Variants in RBBP4 observed in about 807,000 individuals in gnomAD.
The protein encoded by RBBP4 is RB binding protein 4, chromatin remodeling factor.
In RBBP4, 3 loss-of-function variants were observed where a neutral mutation model predicts 57.2. The observed-to-expected ratio is 0.05, with a 90% confidence interval of 0.02 to 0.14. RBBP4 has a LOEUF of 0.14. RBBP4 is among the 10% of genes least tolerant of loss of function. RBBP4 has a pLI of 1.00. For synonymous variants in RBBP4, 151 were observed against 171.5 expected (o/e 0.88, Z 0.93); for missense variants, 107 against 520.6 (o/e 0.21, Z 7.73).
At position 32,669,481 on chromosome 1, in the gene RBBP4, C is replaced by T. The variant is rs1441130267; in HGVS notation, c.889-5C>T. The T allele has an allele frequency of 1.3e-6, 2 of 1,599,088 alleles. No homozygotes were observed. The highest frequency in any genetic ancestry group is 3.6e-5 in the Admixed American group (2 of 55,482). On this transcript the variant is annotated splice_region_variant and splice_polypyrimidine_tract_variant and intron_variant, in intron 7 of 11. Coordinates refer to ENST00000373493, the MANE Select transcript of RBBP4 (RefSeq NM_005610.3). This position sits in a 1 kb window ranked among gnomAD's most constrained non-coding sequence, Gnocchi z 4.9. Reference sequence around the variant, plus strand: ...GATTACTCTTGCTTTTCTTTTTGTACATAGACTGTTGCCTTGTGGGATCTG... The same window carrying T: ...GATTACTCTTGCTTTTCTTTTTGTATATAGACTGTTGCCTTGTGGGATCTG...
chr1:32,673,835 A>C (rs1648979573), intron 11 of RBBP4, among the ~76,000 whole-genome samples: 2 of 152,144 alleles, frequency 1.3e-5, no homozygotes, highest in Non-Finnish European at 2.9e-5. Flanking sequence ...ACGTTGGCTC[A>C]CGCCTGTAAT....
At chr1:32,676,684 A>C (rs144921668) in intron 11 of RBBP4, among the ~76,000 whole-genome samples, 24 of 151,856 alleles carry the variant, frequency 1.6e-4, no homozygotes, top group Admixed American at 3.9e-4. Flanking sequence ...TGGTTTCTTT[A>C]GACCTTTCTG....
In RBBP4 at chr1:32,680,463, A is replaced by G. The variant is rs1649365452; in HGVS notation, c.*758A>G. The G allele has an allele frequency of 6.5e-7, 1 of 1,534,568 alleles. No individual in the cohort carries two copies. On this transcript the variant is annotated 3_prime_UTR_variant, in exon 12 of 12. Transcript: ENST00000373493. ...ACTGTCAAGTTGAGAAGAGTGAATC[A>G]ATAACTTGTATTTGTTTTAAAAATT... is the stretch of plus-strand genomic sequence containing the variant.
At chr1:32,651,774 T>G in intron 1 of RBBP4, 140 bp from the exon 2 acceptor site, 1 of 1,015,712 alleles carries the variant, frequency 9.8e-7, no homozygotes, top group South Asian at 1.6e-5. Context: ...AAGTGGAGAG[T>G]GTGGATGCCT....
chr1:32,674,899 T>G (rs1052514317), intron 11 of RBBP4, among the ~76,000 whole-genome samples: 2 of 151,448 alleles, frequency 1.3e-5, no homozygotes, highest in South Asian at 2.1e-4. Context: ...GGCTAGTTTT[T>G]TTGTTGTTGT....
chr1:32,658,059 G>C (rs1382670535), intron 3 of RBBP4, among the ~76,000 whole-genome samples: 4 of 151,972 alleles, frequency 2.6e-5, no homozygotes, highest in African/African-American at 7.3e-5. Context: ...CACCAAGTTG[G>C]CCAGGCTGGT....
chr1:32,665,880 T>G (rs538415214), intron 3 of RBBP4, among the ~76,000 whole-genome samples: 1 of 152,322 alleles, frequency 6.6e-6, no homozygotes, highest in East Asian at 1.9e-4. Context: ...TTGGAACTTT[T>G]GCAACCGTAC....
rs754298179 is a variant in RBBP4 at position 32,652,015 on chromosome 1, C to T, written c.118C>T (p.Leu40=). The change falls in exon 2 of 12, where the codon CTG becomes TTG. Residue 40 remains leucine (L), a synonymous_variant. Coordinates refer to ENST00000373493, the MANE Select transcript of RBBP4 (RefSeq NM_005610.3). ...TTATGATTTGGTGATGACCCATGCT[C>T]TGGAGTGGCCCAGCCTAACTGCCCA... is the stretch of plus-strand genomic sequence containing the variant. ...FLYDLVMTHA[L]EWPSLTAQWL... is the part of the protein sequence containing the mutation. 6.2e-7 allele frequency: 1 copy of T among 1,613,974 alleles called. No homozygotes were observed. Among genetic ancestry groups the T allele is most frequent in the Non-Finnish European group, 8.5e-7 (1 of 1,179,856 alleles).
Position 32,680,160 on chromosome 1 carries a change from A to C in RBBP4, c.*455A>C. On this transcript the variant is annotated 3_prime_UTR_variant, in exon 12 of 12. Transcript: ENST00000373493. ...CAAGTCATATAGATTCCTACTCGAA[A>C]ATCTTGACACCTGACTTTCCAGGAT... is the stretch of plus-strand genomic sequence containing the variant. 5.6e-6 allele frequency: 6 copies of C among 1,080,454 alleles called. No individual in the cohort carries two copies. Among genetic ancestry groups the C allele is most frequent in the Non-Finnish European group, 5.6e-6 (5 of 894,502 alleles). The allele number at this position is 1,080,454 out of a possible 1,614,324, so 66.9% of individuals were successfully genotyped here.
intron 11 of RBBP4, among the ~76,000 whole-genome samples, chr1:32,677,819 CA>C (rs1375127969): frequency 6.6e-6 from 1 of 152,130 alleles, no homozygotes; most frequent in Non-Finnish European, 1.5e-5. Context: ...GGGGTCAGAT[CA>C]CAAGCTCTTT....
chr1:32,657,938 C>T (rs972603446), intron 3 of RBBP4, among the ~76,000 whole-genome samples: 12 of 152,218 alleles, frequency 7.9e-5, no homozygotes, highest in South Asian at 2.1e-4. Context: ...CTGCAACCTC[C>T]GCCTCCCGGG....
intron 3 of RBBP4, chr1:32,657,792 G>A: frequency 2.3e-6 from 1 of 428,410 alleles, no homozygotes; most frequent in East Asian, 3.9e-5. Context: ...TTTCTCAGCT[G>A]GTGCTGGTGG....
At chr1:32,673,816 C>G (rs1339473742) in intron 11 of RBBP4, among the ~76,000 whole-genome samples, 2 of 152,078 alleles carry the variant, frequency 1.3e-5, no homozygotes, top group Non-Finnish European at 2.9e-5. Flanking sequence ...TAGTTATATT[C>G]GGCCGAGCAC....
At position 32,684,611 on chromosome 1, in the gene RBBP4, C is replaced by A. The variant is rs1455335680; in HGVS notation, c.*4906C>A. On this transcript the variant is annotated 3_prime_UTR_variant, in exon 12 of 12. Coordinates refer to ENST00000373493, the MANE Select transcript of RBBP4 (RefSeq NM_005610.3). The stretch of plus-strand genomic sequence containing the variant: ...AAAAAGGCATCTTGTCTGTTAACCA[C>A]AGCTTGCTTTAATAGAATCCTGGGA... 3.7e-6 allele frequency: 2 copies of A among 544,346 alleles called. No individual in the cohort carries two copies. The highest frequency in any genetic ancestry group is 3.8e-5 in the African/African-American group (2 of 52,438). 33.7% of individuals were successfully genotyped at this position (544,346 alleles called of 1,614,324 possible).
In RBBP4 at chr1:32,669,180, TGTTTA is replaced by T; in HGVS notation, c.762-48_762-44del. On this transcript the variant is annotated intron_variant, in intron 6 of 11. Coordinates refer to ENST00000373493, the MANE Select transcript of RBBP4 (RefSeq NM_005610.3). The surrounding 1 kb of genome is among the most constrained non-coding windows in gnomAD (Gnocchi z 4.9). ...TTCTAAATATCTTGTCTAAGTTTTA[TGTTTA>T]GTCACCATTTCAAGGTTTTTTTCCT... 1 of 1,611,324 alleles carries T rather than the reference TGTTTA, an allele frequency of 6.2e-7. No individual in the cohort carries two copies. The highest frequency in any genetic ancestry group is 8.5e-7 in the Non-Finnish European group (1 of 1,179,158).
intron 3 of RBBP4, among the ~76,000 whole-genome samples, chr1:32,661,993 C>A (rs391213): frequency 1.0e-4 from 15 of 143,992 alleles, no homozygotes; most frequent in African/African-American, 3.9e-4. Flanking sequence ...TCAAGCGATT[C>A]TCCTGCCTCA....
At chr1:32,661,748 A>G (rs1442464273) in intron 3 of RBBP4, among the ~76,000 whole-genome samples, 2 of 150,278 alleles carry the variant, frequency 1.3e-5, no homozygotes, top group African/African-American at 4.9e-5. Context: ...GACTGGTGTG[A>G]GAGGCATCTA....
At chr1:32,676,843 T>A (rs1032982055) in intron 11 of RBBP4, among the ~76,000 whole-genome samples, 2 of 151,992 alleles carry the variant, frequency 1.3e-5, no homozygotes, top group Non-Finnish European at 2.9e-5. Flanking sequence ...CTTGGGAGGC[T>A]GAAGTGGGAG....
At chr1:32,651,556 C>T (rs866013968) in intron 1 of RBBP4, 5 of 1,138,404 alleles carry the variant, frequency 4.4e-6, no homozygotes, top group Non-Finnish European at 5.8e-6. Context: ...GTTTGTTTCT[C>T]TTCCTGCCTC....
Sources: gnomAD v4.1 joint callset for allele counts (sites outside exome capture counted in the v4.1 genomes callset) on GRCh38, gnomAD v4.1.1 for gene constraint, Gnocchi (gnomAD v3.1) non-coding constraint, MANE v1.5 for transcripts, NCBI Gene and HGNC (gene_info 2026-07-23, HGNC 2026-07-21) for gene names.